The following PTPRD variants were observed in gnomAD, a reference collection of about 807,000 sequenced individuals.
The protein encoded by PTPRD is protein tyrosine phosphatase receptor type D, also known as receptor-type tyrosine-protein phosphatase delta.
In PTPRD, 34 loss-of-function variants were observed where a neutral mutation model predicts 214.5. The ratio of observed to expected loss-of-function variants is 0.16; its 90% CI spans 0.12 to 0.21. The LOEUF (loss-of-function observed/expected upper bound fraction) is 0.21. Ranked by LOEUF, PTPRD falls within the 10% of genes least tolerant of loss-of-function variation. PTPRD has a pLI of 1.00. For missense variants in PTPRD, 2,545 were observed against 2,398.7 expected, an observed-to-expected ratio of 1.06 and a Z score of -1.27; for synonymous variants, 1,128 against 845.7, an observed-to-expected ratio of 1.33 and a Z score of -5.79.
chr9:9,573,122 G>A (rs923564189), intron 8 of PTPRD, among the ~76,000 whole-genome samples: 1 of 151,584 alleles, frequency 6.6e-6, no homozygotes, highest in Admixed American at 6.6e-5. Context: ...ATTAGAAAGG[G>A]TTAATAATTT....
At chr9:9,963,342 G>GT (rs556093000) in intron 4 of PTPRD, among the ~76,000 whole-genome samples, 96 of 152,228 alleles carry the variant, frequency 6.3e-4, no homozygotes, top group Non-Finnish European at 1.2e-3. Flanking sequence ...ATCCCTGTAA[G>GT]TCCCATTAAC....
intron 11 of PTPRD, among the ~76,000 whole-genome samples, chr9:8,783,512 C>G (rs1326679003): frequency 6.6e-6 from 1 of 152,134 alleles, no homozygotes; most frequent in Non-Finnish European, 1.5e-5. Context: ...TACTTGACAC[C>G]GTTTTGCAGA....
intron 3 of PTPRD, among the ~76,000 whole-genome samples, chr9:10,270,434 A>G (rs1426816706): frequency 6.6e-6 from 1 of 152,204 alleles, no homozygotes; most frequent in East Asian, 1.9e-4. Context: ...CAAACTAATG[A>G]GACTTGTTGT....
intron 8 of PTPRD, among the ~76,000 whole-genome samples, chr9:9,503,500 A>G (rs535881501): frequency 6.6e-6 from 1 of 151,854 alleles, no homozygotes; most frequent in African/African-American, 2.4e-5. Context: ...CTGTAAGACC[A>G]GATGAAAAAA....
intron 8 of PTPRD, among the ~76,000 whole-genome samples, chr9:9,454,553 A>G (rs1362873389): frequency 6.6e-6 from 1 of 151,804 alleles, no homozygotes; most frequent in African/African-American, 2.4e-5. Flanking sequence ...CCATTAGTTC[A>G]GTAAGAATTT....
At chr9:8,998,533 A>G (rs910588006) in intron 11 of PTPRD, among the ~76,000 whole-genome samples, 4 of 152,096 alleles carry the variant, frequency 2.6e-5, no homozygotes, top group Non-Finnish European at 5.9e-5. Context: ...CTCATTGACA[A>G]GCACCTAGTT....
chr9:10,062,627 A>G (rs897826931), intron 3 of PTPRD, among the ~76,000 whole-genome samples: 1 of 152,024 alleles, frequency 6.6e-6, no homozygotes, highest in African/African-American at 2.4e-5. Context: ...AAGATAAAAG[A>G]TAAAAACTGG....
intron 34 of PTPRD, among the ~76,000 whole-genome samples, chr9:8,449,174 T>C (rs569496186): frequency 6.6e-6 from 1 of 152,332 alleles, no homozygotes; most frequent in African/African-American, 2.4e-5. Flanking sequence ...TTTATGTTTC[T>C]CTCTAGTAAG....
chr9:10,583,655 T>C (rs1207053112), intron 2 of PTPRD, among the ~76,000 whole-genome samples: 1 of 151,748 alleles, frequency 6.6e-6, no homozygotes, highest in Non-Finnish European at 1.5e-5. Context: ...ATTTTTTGTA[T>C]TTTTAGTAGA....
chr9:9,524,320 A>C (rs1223122402), intron 8 of PTPRD, among the ~76,000 whole-genome samples: 1 of 151,966 alleles, frequency 6.6e-6, no homozygotes, highest in Non-Finnish European at 1.5e-5. Context: ...CTTTTGCTTC[A>C]GTCTCAAAAA....
chr9:9,308,899 T>C (rs1413904351), intron 9 of PTPRD, among the ~76,000 whole-genome samples: 2 of 152,170 alleles, frequency 1.3e-5, no homozygotes, highest in Admixed American at 6.5e-5. Flanking sequence ...TTACATGTTA[T>C]TTAAAGCAGA....
At position 9,224,205 on chromosome 9, in the gene PTPRD, G is replaced by C. The variant is rs545136131; in HGVS notation, c.-202-40842C>G. Among the ~76,000 whole-genome samples, 11 of 152,104 alleles carry C rather than the reference G, an allele frequency of 7.2e-5. No individual in the cohort carries two copies. In the East Asian group the frequency reaches 2.1e-3, roughly 30 times the overall value. ...CAGATCCCACACAGAACTGGTGATA[G>C]ACTCAAGAGTAAGAAGCCTAGGCAC... is the stretch of plus-strand genomic sequence containing the variant. On this transcript the variant is annotated intron_variant, in intron 9 of 45. Transcript: ENST00000381196.
intron 11 of PTPRD, among the ~76,000 whole-genome samples, chr9:8,826,632 CTT>C (rs33934836): frequency 6.2e-5 from 9 of 145,360 alleles, no homozygotes; most frequent in East Asian, 6.0e-4. Context: ...CAGGCACCAT[CTT>C]TTTTTTTTTT....
rs114134724 is a variant in PTPRD at position 10,359,143 on chromosome 9, T to C, written c.-599-18126A>G. On this transcript the variant is annotated intron_variant, in intron 2 of 45. Coordinates refer to ENST00000381196, the MANE Select transcript of PTPRD (RefSeq NM_002839.4). ...GAAATTCTTAGTTTTATTTATATCA[T>C]GAGATCTATTGTTAACATTATAATA... 3.5e-3 allele frequency among the ~76,000 whole-genome samples: 528 copies of C among 152,120 alleles called. 1 individual carries two copies. The highest frequency in any genetic ancestry group is 0.012 in the African/African-American group (518 of 41,552).
intron 14 of PTPRD, among the ~76,000 whole-genome samples, chr9:8,567,499 C>T (rs10977206): frequency 0.012 from 1,805 of 152,306 alleles, 36 homozygotes; most frequent in African/African-American, 0.041. Context: ...GAAAGCACGT[C>T]TTCTCACTGA....
At chr9:10,275,917 A>T (rs2094659218) in intron 3 of PTPRD, among the ~76,000 whole-genome samples, 1 of 152,208 alleles carries the variant, frequency 6.6e-6, no homozygotes, top group Non-Finnish European at 1.5e-5. Flanking sequence ...TTTGAGAGCC[A>T]GTGTAACTTG....
intron 7 of PTPRD, among the ~76,000 whole-genome samples, chr9:9,647,670 A>C (rs2096230275): frequency 6.6e-6 from 1 of 152,182 alleles, no homozygotes; most frequent in Admixed American, 6.5e-5. Context: ...CAAGACATGC[A>C]AGACATTGCA....
intron 11 of PTPRD, among the ~76,000 whole-genome samples, chr9:8,950,519 T>A (rs10977396): frequency 6.6e-6 from 1 of 150,720 alleles, no homozygotes; most frequent in Non-Finnish European, 1.5e-5. Flanking sequence ...CAAGTTCACA[T>A]AGCACTGGGT....
At chr9:8,910,739 C>T (rs2098741246) in intron 11 of PTPRD, among the ~76,000 whole-genome samples, 1 of 152,034 alleles carries the variant, frequency 6.6e-6, no homozygotes, top group Non-Finnish European at 1.5e-5. Flanking sequence ...TCTACTAGAA[C>T]TAGAAAACAA....
Sources: gnomAD v4.1 joint callset for allele counts (sites outside exome capture counted in the v4.1 genomes callset) on GRCh38, gnomAD v4.1.1 for gene constraint, MANE v1.5 for transcripts, NCBI Gene and HGNC (gene_info 2026-07-23, HGNC 2026-07-21) for gene names.